CASR: variants seen among roughly 807,000 people sequenced by gnomAD.
The protein encoded by CASR is extracellular calcium-sensing receptor.
CASR carries 23 observed loss-of-function variants against 69.1 expected under a neutral mutation model. The observed-to-expected ratio is 0.33, with a 90% CI of 0.24 to 0.47. The LOEUF is 0.47. Ranked by LOEUF, CASR falls within the 20% of genes least tolerant of loss-of-function variation. CASR has a pLI of 1.00. For missense variants in CASR, 924 were observed against 1,356.1 expected, an observed-to-expected ratio of 0.68 and a Z score of 5.00; for synonymous variants, 541 against 544.7, an observed-to-expected ratio of 0.99 and a Z score of 0.10.
chr3:122,188,515 A>G (rs1024894282), intron 1 of CASR, among the ~76,000 whole-genome samples: 1 of 152,174 alleles, frequency 6.6e-6, no homozygotes, highest in Non-Finnish European at 1.5e-5. Context: ...AAAAAATGCT[A>G]TCTCTGATTC....
intron 4 of CASR, among the ~76,000 whole-genome samples, chr3:122,268,740 G>C (rs28520185): frequency 0.12 from 17,626 of 152,164 alleles, 1,358 homozygotes; most frequent in East Asian, 0.4. Flanking sequence ...AATAAAGAAA[G>C]AAAATGGGAC....
intron 4 of CASR, among the ~76,000 whole-genome samples, chr3:122,272,982 G>C (rs1349524431): frequency 6.6e-6 from 1 of 152,194 alleles, no homozygotes; most frequent in African/African-American, 2.4e-5. Flanking sequence ...AAGATGACCA[G>C]CTAATTATGA....
chr3:122,232,984 A>G (rs902025707), intron 1 of CASR, among the ~76,000 whole-genome samples: 5 of 152,230 alleles, frequency 3.3e-5, no homozygotes, highest in African/African-American at 1.2e-4. Context: ...ACACAGACAA[A>G]AAACGTTAAC....
At chr3:122,201,919 C>T (rs1214588591) in intron 1 of CASR, among the ~76,000 whole-genome samples, 3 of 151,870 alleles carry the variant, frequency 2.0e-5, no homozygotes, top group Non-Finnish European at 4.4e-5. Flanking sequence ...GGCAGAGACG[C>T]TCCTCACTTT....
At chr3:122,215,187 C>G (rs2074105462) in intron 1 of CASR, among the ~76,000 whole-genome samples, 1 of 152,238 alleles carries the variant, frequency 6.6e-6, no homozygotes, top group South Asian at 2.1e-4. Context: ...CACAGCTGGA[C>G]AGCTGGGCTT....
intron 1 of CASR, among the ~76,000 whole-genome samples, chr3:122,249,705 C>T (rs1965357): frequency 0.84 from 127,398 of 152,280 alleles, 53,721 homozygotes; most frequent in Admixed American, 0.89. Context: ...TTGTTTGTAA[C>T]ACTCATTTGC....
intron 1 of CASR, among the ~76,000 whole-genome samples, chr3:122,214,434 C>T (rs2074097186): frequency 6.6e-6 from 1 of 152,160 alleles, no homozygotes; most frequent in Non-Finnish European, 1.5e-5. Context: ...TCTATGCAGA[C>T]TATCTCTTCT....
chr3:122,207,159 A>G (rs145321328), intron 1 of CASR, among the ~76,000 whole-genome samples: 3,013 of 151,928 alleles, frequency 0.02, 37 homozygotes, highest in Admixed American at 0.03. Flanking sequence ...GCAAATATTA[A>G]TAGCTCTAAA....
At chr3:122,185,994 C>T (rs573442816) in intron 1 of CASR, among the ~76,000 whole-genome samples, 2 of 148,138 alleles carry the variant, frequency 1.4e-5, no homozygotes, top group African/African-American at 5.0e-5. Context: ...GCCAATACAG[C>T]ACAGTCAGCT....
intron 1 of CASR, among the ~76,000 whole-genome samples, chr3:122,206,749 A>G (rs185918199): frequency 6.6e-6 from 1 of 152,056 alleles, no homozygotes; most frequent in African/African-American, 2.4e-5. Context: ...CTTCTATTTC[A>G]TTACTCAATA....
intron 1 of CASR, among the ~76,000 whole-genome samples, chr3:122,189,571 A>T (rs1199769769): frequency 6.6e-6 from 1 of 152,232 alleles, no homozygotes; most frequent in Non-Finnish European, 1.5e-5. Flanking sequence ...GATGGGGGCA[A>T]AGGTAATATG....
At chr3:122,194,156 A>G (rs2073865219) in intron 1 of CASR, among the ~76,000 whole-genome samples, 1 of 150,366 alleles carries the variant, frequency 6.7e-6, no homozygotes, top group South Asian at 2.1e-4. Flanking sequence ...CCAGCTTGGA[A>G]CCCCCTATCT....
At chr3:122,185,243 C>G (rs35633936) in intron 1 of CASR, among the ~76,000 whole-genome samples, 1 of 152,200 alleles carries the variant, frequency 6.6e-6, no homozygotes, top group Admixed American at 6.5e-5. Context: ...CTATTGCTGT[C>G]TCCTTTCTAC....
At chr3:122,222,607 C>T (rs2074182627) in intron 1 of CASR, among the ~76,000 whole-genome samples, 1 of 152,058 alleles carries the variant, frequency 6.6e-6, no homozygotes, top group South Asian at 2.1e-4. Context: ...TAGATAACCA[C>T]ACGATAATAG....
At chr3:122,226,061 T>C (rs1450929861) in intron 1 of CASR, among the ~76,000 whole-genome samples, 2 of 152,092 alleles carry the variant, frequency 1.3e-5, no homozygotes, top group Admixed American at 6.5e-5. Flanking sequence ...CAAAAGCCAC[T>C]TGGGCCTACA....
intron 1 of CASR, among the ~76,000 whole-genome samples, chr3:122,193,163 A>G (rs1227594545): frequency 6.9e-6 from 1 of 145,588 alleles, no homozygotes; most frequent in East Asian, 2.0e-4. Flanking sequence ...TTTTCATATT[A>G]TCATTCTCCT....
chr3:122,211,360 A>G (rs180796168), intron 1 of CASR, among the ~76,000 whole-genome samples: 2 of 152,366 alleles, frequency 1.3e-5, no homozygotes, highest in East Asian at 3.9e-4. Context: ...CCTGATATCC[A>G]GAATCTACAA....
At chr3:122,229,942 G>A (rs571786408) in intron 1 of CASR, among the ~76,000 whole-genome samples, 4 of 152,296 alleles carry the variant, frequency 2.6e-5, no homozygotes, top group Admixed American at 6.5e-5. Flanking sequence ...GTACATTTCT[G>A]TTCTACTGCT....
At chr3:122,195,689 GA>G (rs1457199642) in intron 1 of CASR, among the ~76,000 whole-genome samples, 2 of 152,178 alleles carry the variant, frequency 1.3e-5, no homozygotes, top group African/African-American at 4.8e-5. Context: ...TGGGGAAACT[GA>G]ACTTTAGTCA....
Sources: gnomAD v4.1 joint callset for allele counts (sites outside exome capture counted in the v4.1 genomes callset) on GRCh38, gnomAD v4.1.1 for gene constraint, MANE v1.5 for transcripts, NCBI Gene and HGNC (gene_info 2026-07-23, HGNC 2026-07-21) for gene names.